RASSF5: variants seen among roughly 807,000 people sequenced by gnomAD.
The protein encoded by RASSF5 is Ras association domain family member 5.
A neutral mutation model predicts 40.5 loss-of-function variants in RASSF5; 25 were observed. That is an observed-to-expected ratio of 0.62 (90% confidence interval 0.45 to 0.86). The LOEUF (loss-of-function observed/expected upper bound fraction) is 0.86. RASSF5 is among the 40% of genes least tolerant of loss of function. The pLI is 0.00. For synonymous variants in RASSF5, 246 were observed against 252.4 expected (o/e 0.97, Z 0.24); for missense variants, 521 against 572.8 (o/e 0.91, Z 0.92).
chr1:206,536,418 G>A lies in RASSF5; in HGVS notation c.458-1754G>A, dbSNP rs1348269394. 3.9e-5 allele frequency among the ~76,000 whole-genome samples: 6 copies of A among 152,246 alleles called. No individual in the cohort carries two copies. In the East Asian group the frequency reaches 5.8e-4, roughly 15 times the overall value. ...CAGGCCATGGGTAGGAAGGTCGTGC[G>A]GTTCTGGGATCTCTGTGTGTCCCCA... On this transcript the variant is annotated intron_variant, in intron 1 of 5. Transcript: ENST00000579436.
chr1:206,547,434 T>C (rs1317866348), intron 2 of RASSF5, among the ~76,000 whole-genome samples: 1 of 151,920 alleles, frequency 6.6e-6, no homozygotes, highest in East Asian at 1.9e-4. Flanking sequence ...TATTGTGAAC[T>C]GCGCATGCGA....
intron 2 of RASSF5, among the ~76,000 whole-genome samples, chr1:206,546,972 G>GTATAGGTTT (rs1375145270): frequency 2.6e-5 from 4 of 152,110 alleles, no homozygotes; most frequent in African/African-American, 9.7e-5. Context: ...GCCATGTCAT[G>GTATAGGTTT]TATAGTATAA....
chr1:206,582,662 A>G (rs985896898), intron 2 of RASSF5, among the ~76,000 whole-genome samples: 3 of 152,240 alleles, frequency 2.0e-5, no homozygotes, highest in African/African-American at 7.2e-5. Context: ...TTCATTTGAC[A>G]AATAGATATT....
intron 2 of RASSF5, among the ~76,000 whole-genome samples, chr1:206,549,471 T>A (rs1456937019): frequency 6.6e-6 from 1 of 152,020 alleles, no homozygotes; most frequent in Non-Finnish European, 1.5e-5. Context: ...AATGCTAATA[T>A]CTGTGTCAGT....
chr1:206,531,442 A>G lies in RASSF5; in HGVS notation c.458-6730A>G, dbSNP rs1553397929. Among the ~76,000 whole-genome samples the G allele has an allele frequency of 2.0e-5, 3 of 152,170 alleles. No homozygotes were observed. The highest frequency in any genetic ancestry group is 4.4e-5 in the Non-Finnish European group (3 of 68,016). ...AGGGACATCTTGGGGCCAGGTTGAG[A>G]GGCGGTATCCTAGCTGGGGGAGCTG... On this transcript the variant is annotated intron_variant, in intron 1 of 5. Transcript: ENST00000579436. This position sits in a 1 kb window ranked among gnomAD's most constrained non-coding sequence, Gnocchi z 4.7.
intron 2 of RASSF5, among the ~76,000 whole-genome samples, chr1:206,575,000 C>T (rs1183884837): frequency 1.3e-5 from 2 of 151,154 alleles, no homozygotes; most frequent in Non-Finnish European, 2.9e-5. Flanking sequence ...GTTGGGATTA[C>T]AGGCGCACGG....
chr1:206,556,353 T>C (rs1481600655), intron 2 of RASSF5, among the ~76,000 whole-genome samples: 1 of 152,194 alleles, frequency 6.6e-6, no homozygotes, highest in Admixed American at 6.5e-5. Context: ...AATGATAGAG[T>C]GCACGTAAAT....
chr1:206,519,294 G>A (rs1553395777), intron 1 of RASSF5, among the ~76,000 whole-genome samples: 1 of 152,206 alleles, frequency 6.6e-6, no homozygotes, highest in East Asian at 1.9e-4. Context: ...GGCAGTGCCA[G>A]GACTATGAAC....
At position 206,585,247 on chromosome 1, in the gene RASSF5, G is replaced by A. The variant is rs146761578; in HGVS notation, c.1056G>A (p.Thr352=). ...TGCGCCTGCTTGCTGGGCCTGACAC[G>A]GAGGTCCTCAGCTTTGTGCTAAAGG... ...LYLRLLAGPD[T]EVLSFVLKEN... The change falls in exon 5 of 6, where the codon ACG becomes ACA. Residue 352 remains threonine, a synonymous_variant. Transcript: ENST00000579436. 656 of 1,614,156 alleles carry A rather than the reference G, an allele frequency of 4.1e-4. No homozygotes were observed. Among genetic ancestry groups the A allele is most frequent in the Non-Finnish European group, 5.2e-4 (613 of 1,180,014 alleles).
chr1:206,528,138 C>T (rs559052657), intron 1 of RASSF5, among the ~76,000 whole-genome samples: 122 of 151,910 alleles, frequency 8.0e-4, no homozygotes, highest in Admixed American at 1.6e-3. Context: ...ATCCAGATAA[C>T]GGAATATTAT....
chr1:206,581,116 C>T (rs1220518203), intron 2 of RASSF5: 1 of 152,214 alleles, frequency 6.6e-6, no homozygotes, highest in African/African-American at 2.4e-5. Flanking sequence ...TTCTTACTAG[C>T]AGGGGACCAC....
chr1:206,509,126 T>C (rs782616020), intron 1 of RASSF5, among the ~76,000 whole-genome samples: 11 of 152,098 alleles, frequency 7.2e-5, no homozygotes, highest in Non-Finnish European at 1.5e-5. Flanking sequence ...TGGAAATGGA[T>C]TGTGGTTTGC....
intron 2 of RASSF5, chr1:206,544,906 A>AC (rs1207360143): frequency 6.6e-6 from 1 of 151,576 alleles, no homozygotes; most frequent in Admixed American, 6.6e-5. Flanking sequence ...AAAAAAAAAA[A>AC]GCTCCTGCGG....
intron 1 of RASSF5, among the ~76,000 whole-genome samples, chr1:206,536,060 A>C (rs1667385106): frequency 6.6e-6 from 1 of 152,172 alleles, no homozygotes; most frequent in Non-Finnish European, 1.5e-5. Flanking sequence ...TTCTGGCCTC[A>C]GTGCTCCCTT....
At chr1:206,572,735 T>A (rs1553404420) in intron 2 of RASSF5, 1 of 152,218 alleles carries the variant, frequency 6.6e-6, no homozygotes, top group Non-Finnish European at 1.5e-5. Flanking sequence ...AACATTTAGG[T>A]TGAAGAAAGT....
intron 1 of RASSF5, among the ~76,000 whole-genome samples, chr1:206,512,299 C>G (rs1328166868): frequency 2.0e-5 from 3 of 152,098 alleles, no homozygotes; most frequent in Non-Finnish European, 4.4e-5. Context: ...GAGCTTCCCA[C>G]GCTGCAGCCC....
chr1:206,583,605 G>A (rs1209678361), intron 3 of RASSF5: 2 of 519,168 alleles, frequency 3.9e-6, no homozygotes, highest in East Asian at 6.8e-5. Context: ...TTGTGATTTT[G>A]GGAAGCTCTT....
chr1:206,577,471 G>C (rs1668696574), intron 2 of RASSF5, among the ~76,000 whole-genome samples: 1 of 152,204 alleles, frequency 6.6e-6, no homozygotes, highest in Non-Finnish European at 1.5e-5. Flanking sequence ...CATCAATCCT[G>C]TGAGACAATA....
chr1:206,516,155 G>A (rs1666739850), intron 1 of RASSF5, among the ~76,000 whole-genome samples: 1 of 152,208 alleles, frequency 6.6e-6, no homozygotes, highest in South Asian at 2.1e-4. Flanking sequence ...GGAGGTCATT[G>A]AGTCATTGCT....
Sources: gnomAD v4.1 joint callset for allele counts (sites outside exome capture counted in the v4.1 genomes callset) on GRCh38, gnomAD v4.1.1 for gene constraint, Gnocchi (gnomAD v3.1) non-coding constraint, MANE v1.5 for transcripts, NCBI Gene and HGNC (gene_info 2026-07-23, HGNC 2026-07-21) for gene names.